CUL2: variants seen among roughly 807,000 people sequenced by gnomAD.
CUL2 encodes the protein cullin 2, also known as cullin-2.
In CUL2, 22 loss-of-function variants were observed where a neutral mutation model predicts 110.2. The observed-to-expected ratio is 0.20, with a 90% CI of 0.14 to 0.28. CUL2 has a LOEUF of 0.28. Among genes scored for constraint, CUL2 ranks in the 10% least tolerant of loss-of-function variants. The pLI, the probability that CUL2 is intolerant of heterozygous loss-of-function variation, is 1.00. For missense variants in CUL2, 631 were observed against 905.5 expected (o/e 0.70, Z 3.89); for synonymous variants, 279 against 293.2 (o/e 0.95, Z 0.49).
chr10:35,033,139 T>C, intron 11 of CUL2, 27 bp downstream of exon 11: 3 of 1,394,530 alleles, frequency 2.2e-6, no homozygotes, highest in Non-Finnish European at 2.0e-6. Context: ...TATGTACATA[T>C]ATAGTATATA....
chr10:35,027,553 T>C (rs1489376268), intron 16 of CUL2, among the ~76,000 whole-genome samples: 1 of 152,234 alleles, frequency 6.6e-6, no homozygotes, highest in African/African-American at 2.4e-5. Context: ...TAATTACAGC[T>C]TTAATTCCAC....
chr10:35,012,593 G>T (rs1236499119), intron 19 of CUL2, among the ~76,000 whole-genome samples: 1 of 152,166 alleles, frequency 6.6e-6, no homozygotes, highest in Non-Finnish European at 1.5e-5. Context: ...AGCAGACCAT[G>T]CCACATTAAG....
At chr10:35,107,881 CAAAAAAAAAAAAAA>C (rs56140666) in intron 1 of CUL2, among the ~76,000 whole-genome samples, 7 of 42,138 alleles carry the variant, frequency 1.7e-4, no homozygotes, top group African/African-American at 5.4e-4. Flanking sequence ...GACTCCATCT[CAAAAAAAAAAAAAA>C]AAAAAAAAAA....
chr10:35,065,762 G>C (rs1020593121), intron 2 of CUL2, among the ~76,000 whole-genome samples: 1 of 152,072 alleles, frequency 6.6e-6, no homozygotes, highest in Non-Finnish European at 1.5e-5. Flanking sequence ...GGGAGGCTGA[G>C]GCAGGAGAAT....
intron 2 of CUL2, among the ~76,000 whole-genome samples, chr10:35,100,433 C>T (rs1241737693): frequency 1.3e-5 from 2 of 152,062 alleles, no homozygotes; most frequent in Non-Finnish European, 1.5e-5. Context: ...CTGTTTTATA[C>T]TTTATTTTCT....
chr10:35,093,530 G>A (rs1417274054), upstream of CUL2, among the ~76,000 whole-genome samples: 4 of 151,812 alleles, frequency 2.6e-5, no homozygotes, highest in Non-Finnish European at 4.4e-5. Context: ...ATGGTGGTGT[G>A]TGCTGGTAGT....
intron 1 of CUL2, among the ~76,000 whole-genome samples, chr10:35,078,503 G>A (rs992306545): frequency 6.6e-6 from 1 of 151,624 alleles, no homozygotes; most frequent in African/African-American, 2.4e-5. Context: ...GTTTCTCCAT[G>A]TTGGTCAGGC....
In CUL2 at chr10:35,114,490, C is replaced by T. The variant is rs190975766; in HGVS notation, c.-51+12115G>A. Among the ~76,000 whole-genome samples the T allele has an allele frequency of 2.5e-3, 382 of 152,100 alleles. 3 individuals carry two copies. Among genetic ancestry groups the T allele is most frequent in the African/African-American group, 8.9e-3 (370 of 41,486 alleles). On this transcript the variant is annotated intron_variant, in intron 1 of 5. Coordinates refer to the CUL2 transcript ENST00000685421. ...TTCTGCCTCCCAGGTTCCAGCGATT[C>T]TCCTGCCTCAGCCTCCCGAGTAGCT...
At chr10:35,114,082 G>T (rs1291088933) in intron 1 of CUL2, among the ~76,000 whole-genome samples, 3 of 138,004 alleles carry the variant, frequency 2.2e-5, no homozygotes, top group Non-Finnish European at 4.8e-5. Flanking sequence ...TAATTTTTGG[G>T]TTTTTTTTTT....
At chr10:35,029,334 G>C (rs2085421167) in intron 15 of CUL2, among the ~76,000 whole-genome samples, 154 bp downstream of exon 15, 1 of 152,158 alleles carries the variant, frequency 6.6e-6, no homozygotes, top group African/African-American at 2.4e-5. Flanking sequence ...TGGGATTACA[G>C]GCATAAGCCA....
At chr10:35,061,542 ATCACTTATGGTGTTAACCAAAGC>A (rs2086382589) in intron 3 of CUL2, among the ~76,000 whole-genome samples, 1 of 152,136 alleles carries the variant, frequency 6.6e-6, no homozygotes, top group Admixed American at 6.6e-5. Flanking sequence ...TTACATAGTT[ATCACTTATGGTGTTAACCAAAGC>A]TCACTAGCTT....
At chr10:35,012,981 C>T (rs976226744) in intron 19 of CUL2, among the ~76,000 whole-genome samples, 1 of 152,120 alleles carries the variant, frequency 6.6e-6, no homozygotes, top group Non-Finnish European at 1.5e-5. Flanking sequence ...GAACAAGATG[C>T]CCAGGTGGCT....
intron 1 of CUL2, among the ~76,000 whole-genome samples, chr10:35,120,675 T>C (rs920992608): frequency 6.6e-6 from 1 of 151,536 alleles, no homozygotes; most frequent in Non-Finnish European, 1.5e-5. Context: ...GGCAGGCAGA[T>C]TGCTTGAGCT....
At chr10:35,022,502 G>T (rs545960810) in intron 17 of CUL2, among the ~76,000 whole-genome samples, 2 of 152,324 alleles carry the variant, frequency 1.3e-5, no homozygotes, top group African/African-American at 4.8e-5. Flanking sequence ...AACTCTGAGA[G>T]ATCTGTCCAG....
intron 14 of CUL2, among the ~76,000 whole-genome samples, chr10:35,030,893 T>C (rs956670527): frequency 6.6e-6 from 1 of 152,060 alleles, no homozygotes; most frequent in Admixed American, 6.6e-5. Flanking sequence ...AAGGAATGCA[T>C]ATTATATTCA....
Position 35,035,984 on chromosome 10 carries a change from A to T in CUL2, c.878-688T>A, listed in dbSNP as rs187672625. Among the ~76,000 whole-genome samples, 26 of 152,352 alleles carry T rather than the reference A, an allele frequency of 1.7e-4. No homozygotes were observed. The East Asian group carries it at 4.8e-3, about 28-fold the overall frequency. ...TTAAAGCATCATACATATACAGAAAAGTATACAAACCATAAGTGTATATCT... is the reference window on the plus strand; with the variant it reads ...TTAAAGCATCATACATATACAGAAATGTATACAAACCATAAGTGTATATCT... On this transcript the variant is annotated intron_variant, in intron 9 of 20. Coordinates refer to ENST00000374749, the MANE Select transcript of CUL2 (RefSeq NM_003591.4).
chr10:35,093,732 A>AAAG (rs1455077338), upstream of CUL2, among the ~76,000 whole-genome samples: 1 of 151,684 alleles, frequency 6.6e-6, no homozygotes, highest in African/African-American at 2.4e-5. Flanking sequence ...CTATAGTATC[A>AAAG]AAGAAGAATA....
chr10:35,094,378 A>G (rs138125692), upstream of CUL2, among the ~76,000 whole-genome samples: 1 of 152,036 alleles, frequency 6.6e-6, no homozygotes, highest in African/African-American at 2.4e-5. Flanking sequence ...TGAGATTACA[A>G]GCACGTGCCA....
intron 1 of CUL2, among the ~76,000 whole-genome samples, chr10:35,109,868 G>A (rs1423572604): frequency 6.6e-6 from 1 of 152,162 alleles, no homozygotes; most frequent in Non-Finnish European, 1.5e-5. Flanking sequence ...AATCTGGTTT[G>A]CCATAATTAA....
Sources: gnomAD v4.1 joint callset for allele counts (sites outside exome capture counted in the v4.1 genomes callset) on GRCh38, gnomAD v4.1.1 for gene constraint, MANE v1.5 for transcripts, NCBI Gene and HGNC (gene_info 2026-07-23, HGNC 2026-07-21) for gene names.